The following RSRC1 variants were observed in gnomAD, a reference collection of about 807,000 sequenced individuals.
The protein encoded by RSRC1 is serine/Arginine-related protein 53.
Under a neutral mutation model 49.1 loss-of-function variants are expected in RSRC1, and 39 were observed. That is an observed-to-expected ratio of 0.79 (90% CI 0.61 to 1.04). RSRC1 has a LOEUF of 1.04. Ranked by LOEUF, RSRC1 falls within the 50% of genes least tolerant of loss-of-function variation. RSRC1 has a pLI of 0.00. For missense variants in RSRC1, 388 were observed against 402.4 expected, an observed-to-expected ratio of 0.96 and a Z score of 0.31; for synonymous variants, 143 against 130.8, an observed-to-expected ratio of 1.09 and a Z score of -0.63.
intron 7 of RSRC1, among the ~76,000 whole-genome samples, chr3:158,461,298 C>T (rs1737598678): frequency 6.6e-6 from 1 of 151,792 alleles, no homozygotes; most frequent in African/African-American, 2.4e-5. Context: ...TTATCAAAAT[C>T]AGTCACAGAA....
At position 158,202,562 on chromosome 3, in the gene RSRC1, T is replaced by TTTTATATATATA. The variant is rs369404609; in HGVS notation, c.321-509_321-508insTTATATATATAT. 3.0e-3 allele frequency among the ~76,000 whole-genome samples: 272 copies of TTTTATATATATA among 91,926 alleles called. 22 individuals carry two copies. The highest frequency in any genetic ancestry group is 0.015 in the East Asian group (38 of 2,526). The allele number at this position is 91,926 out of a possible 152,430, so 60.3% of individuals were successfully genotyped here. On this transcript the variant is annotated intron_variant, in intron 3 of 9. Transcript: ENST00000611884. Reference sequence around the variant, plus strand: ...TCTGTAGGGTTGTCAGTCTGGTAGATTATATATATATATATATATGTTTTA... The same window carrying TTTTATATATATA: ...TCTGTAGGGTTGTCAGTCTGGTAGATTTTATATATATATATATATATATATATATATGTTTTA...
intron 7 of RSRC1, among the ~76,000 whole-genome samples, chr3:158,499,272 G>C (rs569199711): frequency 2.0e-5 from 3 of 152,158 alleles, no homozygotes; most frequent in Non-Finnish European, 4.4e-5. Flanking sequence ...AGCTACTCGG[G>C]AGGCTGAGGC....
In RSRC1 at chr3:158,316,438, A is replaced by ATTTTTTTTTTTT. The variant is rs564633575; in HGVS notation, c.531+18378_531+18389dup. Among the ~76,000 whole-genome samples the ATTTTTTTTTTTT allele has an allele frequency of 3.4e-3, 247 of 72,232 alleles. 19 individuals carry two copies. The highest frequency in any genetic ancestry group is 0.014 in the East Asian group (29 of 2,130). 47.4% of individuals were successfully genotyped at this position (72,232 alleles called of 152,430 possible). Reference sequence around the variant, plus strand: ...TAATCAGTCCACTGCAGAATCTCTCATTTTTTTTTTTTTTTTTTTTTTTTT... The same window carrying ATTTTTTTTTTTT: ...TAATCAGTCCACTGCAGAATCTCTCATTTTTTTTTTTTTTTTTTTTTTTTTTTTTTTTTTTTT... On this transcript the variant is annotated intron_variant, in intron 5 of 9. Coordinates refer to ENST00000611884, the MANE Select transcript of RSRC1 (RefSeq NM_001271838.2).
chr3:158,427,269 C>G (rs1735501554), intron 6 of RSRC1, among the ~76,000 whole-genome samples: 1 of 151,596 alleles, frequency 6.6e-6, no homozygotes, highest in South Asian at 2.1e-4. Flanking sequence ...CTGAAAGATA[C>G]AAATTATTTG....
chr3:158,120,076 G>C (rs1160931264), intron 1 of RSRC1, among the ~76,000 whole-genome samples: 1 of 152,048 alleles, frequency 6.6e-6, no homozygotes, highest in East Asian at 1.9e-4. Flanking sequence ...GGATCCGCCC[G>C]CCTCGGCCTC....
At chr3:158,207,869 G>T (rs1721437136) in intron 4 of RSRC1, among the ~76,000 whole-genome samples, 1 of 152,064 alleles carries the variant, frequency 6.6e-6, no homozygotes, top group Admixed American at 6.6e-5. Context: ...AGAAAAAAAT[G>T]CGAGATCAGA....
At chr3:158,141,447 C>T (rs1212410041) in intron 3 of RSRC1, among the ~76,000 whole-genome samples, 1 of 152,178 alleles carries the variant, frequency 6.6e-6, no homozygotes, top group Non-Finnish European at 1.5e-5. Flanking sequence ...CATGGACCTC[C>T]TGGTTAAGGA....
At chr3:158,450,100 T>C (rs1224876948) in intron 6 of RSRC1, among the ~76,000 whole-genome samples, 1 of 151,946 alleles carries the variant, frequency 6.6e-6, no homozygotes, top group African/African-American at 2.4e-5. Context: ...TTGTAGTTCA[T>C]GCCTTCTTCA....
intron 6 of RSRC1, among the ~76,000 whole-genome samples, chr3:158,377,723 T>C (rs548765446): frequency 5.9e-5 from 9 of 151,702 alleles, no homozygotes; most frequent in Non-Finnish European, 8.8e-5. Flanking sequence ...GCAGTGGTGC[T>C]ATCTTGGCTC....
At chr3:158,118,631 T>G (rs2108158245) in intron 1 of RSRC1, among the ~76,000 whole-genome samples, 1 of 152,348 alleles carries the variant, frequency 6.6e-6, no homozygotes, top group South Asian at 2.1e-4. Flanking sequence ...TGTTCTGGTT[T>G]ACTATCATTT....
At chr3:158,422,296 A>C (rs12486917) in intron 6 of RSRC1, among the ~76,000 whole-genome samples, 4 of 142,816 alleles carry the variant, frequency 2.8e-5, no homozygotes, top group African/African-American at 1.0e-4. Flanking sequence ...TCATTGTTCA[A>C]TTCCCACCTA....
rs151277510 is a variant in RSRC1 at position 158,117,016 on chromosome 3, C to G, written c.-2-5087C>G. On this transcript the variant is annotated intron_variant, in intron 1 of 9. Coordinates refer to ENST00000611884, the MANE Select transcript of RSRC1 (RefSeq NM_001271838.2). Reference sequence around the variant, plus strand: ...TGTGGGGTATAATTTTGAGACCTTACATGTCTGAAAATGTCTTTATTCTAA... The same window carrying G: ...TGTGGGGTATAATTTTGAGACCTTAGATGTCTGAAAATGTCTTTATTCTAA... Among the ~76,000 whole-genome samples, 119 of 152,104 alleles carry G rather than the reference C, an allele frequency of 7.8e-4. No individual in the cohort carries two copies. The East Asian group carries it at 0.022, about 27-fold the overall frequency.
At chr3:158,210,501 C>A (rs1205309484) in intron 4 of RSRC1, among the ~76,000 whole-genome samples, 3 of 150,674 alleles carry the variant, frequency 2.0e-5, no homozygotes, top group Non-Finnish European at 4.4e-5. Context: ...AGCTTCATAC[C>A]GTCAATTTTG....
chr3:158,478,320 C>T (rs1245598981), intron 7 of RSRC1, among the ~76,000 whole-genome samples: 3 of 151,112 alleles, frequency 2.0e-5, no homozygotes, highest in Non-Finnish European at 4.4e-5. Context: ...TTGAGATGAT[C>T]ATGTGGGTTT....
intron 4 of RSRC1, among the ~76,000 whole-genome samples, chr3:158,240,091 G>A (rs569795915): frequency 8.6e-5 from 13 of 152,006 alleles, no homozygotes; most frequent in Non-Finnish European, 1.8e-4. Flanking sequence ...TTATTTATGA[G>A]TTTTAAAATA....
chr3:158,517,976 G>T (rs1740667752), intron 7 of RSRC1, among the ~76,000 whole-genome samples: 1 of 148,318 alleles, frequency 6.7e-6, no homozygotes, highest in Admixed American at 6.7e-5. Context: ...TATCTTCTGT[G>T]TTAAACTAAA....
chr3:158,182,632 G>A (rs1719691694), intron 3 of RSRC1, among the ~76,000 whole-genome samples: 1 of 152,152 alleles, frequency 6.6e-6, no homozygotes, highest in African/African-American at 2.4e-5. Flanking sequence ...AATACTTTGA[G>A]AGTTTGTGTT....
chr3:158,313,572 T>G (rs376085438), intron 5 of RSRC1, among the ~76,000 whole-genome samples: 4 of 152,272 alleles, frequency 2.6e-5, no homozygotes, highest in African/African-American at 9.6e-5. Context: ...ATATCCAGAA[T>G]TGAGCATAGA....
Position 158,229,268 on chromosome 3 carries a change from A to G in RSRC1, c.494+26023A>G, listed in dbSNP as rs553639313. ...TATATAAACATACATGTATATGTGT[A>G]TGTATGTATATAAACATACACACAC... On this transcript the variant is annotated intron_variant, in intron 4 of 9. Coordinates refer to ENST00000611884, the MANE Select transcript of RSRC1 (RefSeq NM_001271838.2). Among the ~76,000 whole-genome samples the G allele has an allele frequency of 1.4e-4, 14 of 102,970 alleles. 1 individual carries two copies. The highest frequency in any genetic ancestry group is 4.5e-4 in the African/African-American group (12 of 26,416). The allele number at this position is 102,970 out of a possible 152,430, so 67.6% of individuals were successfully genotyped here.
Sources: gnomAD v4.1 joint callset for allele counts (sites outside exome capture counted in the v4.1 genomes callset) on GRCh38, gnomAD v4.1.1 for gene constraint, MANE v1.5 for transcripts, NCBI Gene and HGNC (gene_info 2026-07-23, HGNC 2026-07-21) for gene names.